DNAJB4: variants seen among roughly 807,000 people sequenced by gnomAD.
DNAJB4 encodes the protein DnaJ heat shock protein family (Hsp40) member B4, also known as dnaJ homolog subfamily B member 4.
In DNAJB4, 10 loss-of-function variants were observed where a neutral mutation model predicts 26.6. That is an observed-to-expected ratio of 0.38 (90% CI 0.23 to 0.64). The LOEUF (loss-of-function observed/expected upper bound fraction) is 0.64, where lower values mean the gene tolerates loss of function less well. Ranked by LOEUF, DNAJB4 falls within the 30% of genes least tolerant of loss-of-function variation. DNAJB4 has a pLI of 0.58. For missense variants in DNAJB4, 328 were observed against 408.2 expected, an observed-to-expected ratio of 0.80 and a Z score of 1.69; for synonymous variants, 136 against 134.8, an observed-to-expected ratio of 1.01 and a Z score of -0.06.
chr1:77,997,337 A>G (rs968464318), intron 1 of DNAJB4, among the ~76,000 whole-genome samples: 4 of 147,668 alleles, frequency 2.7e-5, no homozygotes, highest in African/African-American at 7.7e-5. Context: ...AAAAAAATCT[A>G]TATCTATATC....
At chr1:77,990,551 T>C (rs553235928) in intron 1 of DNAJB4, among the ~76,000 whole-genome samples, 1 of 152,368 alleles carries the variant, frequency 6.6e-6, no homozygotes, top group East Asian at 1.9e-4. Context: ...GAATGCAGTC[T>C]TATGCAGCAA....
rs541815460 is a variant in DNAJB4, at chr1:78,010,102, C to A, written c.212-2949C>A. ...ACTTTGTAATTATGACCGAATTGCC[C>A]TTTTTGGCAGAGGAGGAAGAGGTTT... On this transcript the variant is annotated intron_variant, in intron 1 of 2. Transcript: ENST00000370763. Among the ~76,000 whole-genome samples the A allele has an allele frequency of 8.3e-4, 127 of 152,246 alleles. 1 individual carries two copies. The highest frequency in any genetic ancestry group is 2.9e-3 in the African/African-American group (121 of 41,552).
intron 2 of DNAJB4, 132 bp from the exon 3 acceptor site, chr1:78,015,882 T>G (rs1660627925): frequency 2.4e-6 from 2 of 831,926 alleles, no homozygotes; most frequent in Non-Finnish European, 3.6e-6. Flanking sequence ...AAAAAAAATT[T>G]ATAACTATTG....
At chr1:77,987,957 A>G (rs1283361955) in intron 1 of DNAJB4, among the ~76,000 whole-genome samples, 1 of 148,108 alleles carries the variant, frequency 6.8e-6, no homozygotes, top group African/African-American at 2.5e-5. Context: ...ATATATATAC[A>G]TAATATATAT....
chr1:77,986,396 C>T (rs1282679970), intron 1 of DNAJB4, among the ~76,000 whole-genome samples: 1 of 152,210 alleles, frequency 6.6e-6, no homozygotes, highest in Non-Finnish European at 1.5e-5. Flanking sequence ...GTCTGATATT[C>T]TCCTCAAGAT....
At chr1:77,997,325 AAAAAAAAATCTAT>A (rs1660084968) in intron 1 of DNAJB4, among the ~76,000 whole-genome samples, 1 of 150,082 alleles carries the variant, frequency 6.7e-6, no homozygotes, top group South Asian at 2.1e-4. Flanking sequence ...AAAAAAAAAA[AAAAAAAAATCTAT>A]ATCTATATCT....
At chr1:77,980,968 C>T (rs944139510) in intron 1 of DNAJB4, among the ~76,000 whole-genome samples, 2 of 151,972 alleles carry the variant, frequency 1.3e-5, no homozygotes, top group African/African-American at 4.8e-5. Flanking sequence ...GTTGGGTGTG[C>T]GGCTAGGTAG....
intron 1 of DNAJB4, among the ~76,000 whole-genome samples, chr1:77,991,671 TCTC>T (rs552479554): frequency 1.5e-3 from 235 of 152,302 alleles, no homozygotes; most frequent in Non-Finnish European, 2.7e-3. Context: ...TTTAAACAAG[TCTC>T]CTTTTCATGG....
upstream of DNAJB4, chr1:78,004,867 G>GA: frequency 4.0e-6 from 2 of 494,776 alleles, no homozygotes; most frequent in East Asian, 7.1e-5. Flanking sequence ...GACACGTAGT[G>GA]AAAATGGGAG....
chr1:77,990,568 C>T (rs1310582365), intron 1 of DNAJB4, among the ~76,000 whole-genome samples: 1 of 152,200 alleles, frequency 6.6e-6, no homozygotes, highest in Non-Finnish European at 1.5e-5. Flanking sequence ...GCAAAACTTA[C>T]CAACTATTGA....
intron 1 of DNAJB4, among the ~76,000 whole-genome samples, chr1:77,993,060 A>G (rs936451609): frequency 4.6e-5 from 7 of 152,144 alleles, no homozygotes; most frequent in African/African-American, 1.7e-4. Flanking sequence ...TATAGTTTTT[A>G]AAGTTTGCCA....
At chr1:77,979,884 T>TTTTG (rs375838705), upstream of DNAJB4, among the ~76,000 whole-genome samples, 2 of 152,004 alleles carry the variant, frequency 1.3e-5, no homozygotes, top group African/African-American at 2.4e-5. Context: ...AAGGGTTTTT[T>TTTTG]TTTGTTTGTT....
chr1:77,990,981 A>ATGGTTATGTAAGG (rs796546721), intron 1 of DNAJB4, among the ~76,000 whole-genome samples: 3 of 152,134 alleles, frequency 2.0e-5, no homozygotes, highest in African/African-American at 7.2e-5. Flanking sequence ...AAACACACAG[A>ATGGTTATGTAAGG]TGGTTATGTA....
intron 1 of DNAJB4, among the ~76,000 whole-genome samples, chr1:78,006,711 G>A (rs1286432285): frequency 6.6e-6 from 1 of 152,092 alleles, no homozygotes; most frequent in Non-Finnish European, 1.5e-5. Context: ...CAAATACTGG[G>A]CAGTTCAATC....
At chr1:77,983,784 ACTT>A (rs754614490) in intron 1 of DNAJB4, among the ~76,000 whole-genome samples, 10 of 152,140 alleles carry the variant, frequency 6.6e-5, no homozygotes, top group Non-Finnish European at 1.5e-4. Context: ...TCCTATGTCT[ACTT>A]CTTTCTACAC....
At chr1:77,984,351 CAGAGTTTCTTAACAAA>C (rs1314145789) in intron 1 of DNAJB4, among the ~76,000 whole-genome samples, 8 of 152,184 alleles carry the variant, frequency 5.3e-5, no homozygotes, top group Non-Finnish European at 1.0e-4. Context: ...TAGACTAAGG[CAGAGTTTCTTAACAAA>C]AGGTCACCAG....
intron 1 of DNAJB4, among the ~76,000 whole-genome samples, chr1:77,988,028 TA>T (rs1659838437): frequency 7.4e-6 from 1 of 134,680 alleles, no homozygotes; most frequent in Admixed American, 7.4e-5. Context: ...TGTGTGTGTG[TA>T]TTTCCCCCCC....
chr1:77,986,977 A>T (rs1400755852), intron 1 of DNAJB4, among the ~76,000 whole-genome samples: 1 of 152,152 alleles, frequency 6.6e-6, no homozygotes, highest in Non-Finnish European at 1.5e-5. Context: ...TGGAAGGGGA[A>T]AGTTTCTGCT....
In DNAJB4 at chr1:78,012,124, G is replaced by GT. The variant is rs1193477028; in HGVS notation, c.212-927_212-926insT. On this transcript the variant is annotated intron_variant, in intron 1 of 2. Coordinates refer to ENST00000370763, the MANE Select transcript of DNAJB4 (RefSeq NM_007034.5). ...GCATGCCAGATCAGTAGTTTATAAG[G>GT]AGTTCCCAGTTTTATTTTCTTTTTC... Among the ~76,000 whole-genome samples the GT allele has an allele frequency of 8.8e-5, 6 of 68,182 alleles. No individual in the cohort carries two copies. The East Asian group carries it at 1.9e-3, about 21-fold the overall frequency. The allele number at this position is 68,182 out of a possible 152,430, so 44.7% of individuals were successfully genotyped here.
Sources: allele counts gnomAD v4.1 joint callset (sites outside exome capture counted in the v4.1 genomes callset), GRCh38; gene constraint gnomAD v4.1.1; transcripts MANE v1.5; gene names NCBI Gene and HGNC (gene_info 2026-07-23, HGNC 2026-07-21).